Variants in ZNF462 observed in about 807,000 individuals in gnomAD.
ZNF462 encodes zinc finger PBX1-interacting protein.
ZNF462 carries 10 observed loss-of-function variants against 201.9 expected under a neutral mutation model. The observed-to-expected ratio is 0.05, with a 90% CI of 0.03 to 0.08. The LOEUF is 0.08. Among genes scored for constraint, ZNF462 ranks in the 10% least tolerant of loss-of-function variants. The probability of loss-of-function intolerance (pLI) is 1.00; values close to 1 mark genes in which losing one functional copy is unlikely to be tolerated. For synonymous variants in ZNF462, 1,227 were observed against 1,193.3 expected, an observed-to-expected ratio of 1.03 and a Z score of -0.58; for missense variants, 2,523 against 3,168.3, an observed-to-expected ratio of 0.80 and a Z score of 4.89.
At position 106,930,969 on chromosome 9, in the gene ZNF462, T is replaced by A; in HGVS notation, c.6012+280T>A. The A allele has an allele frequency of 3.1e-6, 1 of 319,006 alleles. No individual in the cohort carries two copies. The highest frequency in any genetic ancestry group is 6.0e-6 in the Non-Finnish European group (1 of 165,724). 19.8% of individuals were successfully genotyped at this position (319,006 alleles called of 1,614,324 possible). ...CGGTCTAGGAGGCTTCGGGTCGTCC[T>A]TCTATTCTGCGTTTAGTGCCATTAG... On this transcript the variant is annotated intron_variant, in intron 4 of 12. Coordinates refer to ENST00000277225, the MANE Select transcript of ZNF462 (RefSeq NM_021224.6). The surrounding 1 kb of genome is among the most constrained non-coding windows in gnomAD (Gnocchi z 5.8).
At chr9:106,871,020 C>T (rs899617409) in intron 1 of ZNF462, among the ~76,000 whole-genome samples, 2 of 152,080 alleles carry the variant, frequency 1.3e-5, no homozygotes, top group African/African-American at 2.4e-5. Flanking sequence ...GGGTGGGAGC[C>T]GATGTCCTCT....
rs1414847138 is a variant in ZNF462, at chr9:106,925,716, T to G, written c.1804T>G (p.Cys602Gly). 1 of 1,614,048 alleles carries G rather than the reference T, an allele frequency of 6.2e-7. No homozygotes were observed. Among genetic ancestry groups the G allele is most frequent in the Non-Finnish European group, 8.5e-7 (1 of 1,180,016 alleles). ...TQAAPLHPYK[C>G]TMCNYSTTTL... ...AGCCGCACCTCTGCACCCATACAAATGCACCATGTGTAATTACTCCACCAC... is the reference window on the plus strand; with the variant it reads ...AGCCGCACCTCTGCACCCATACAAAGGCACCATGTGTAATTACTCCACCAC... The change falls in exon 3 of 13, where the codon TGC (cysteine) becomes GGC (glycine). Residue 602 changes from cysteine (C) to glycine (G), a missense_variant. Coordinates refer to ENST00000277225, the MANE Select transcript of ZNF462 (RefSeq NM_021224.6). This position sits in a 1 kb window ranked among gnomAD's most constrained non-coding sequence, Gnocchi z 7.9.
rs1830724070 is a variant in ZNF462 at position 106,938,432 on chromosome 9, T to G, written c.6236-484T>G. 6.6e-6 allele frequency among the ~76,000 whole-genome samples: 1 copy of G among 152,184 alleles called. No homozygotes were observed. The highest frequency in any genetic ancestry group is 1.9e-4 in the East Asian group (1 of 5,204). On this transcript the variant is annotated intron_variant, in intron 6 of 12. Coordinates refer to ENST00000277225, the MANE Select transcript of ZNF462 (RefSeq NM_021224.6). This position sits in a 1 kb window ranked among gnomAD's most constrained non-coding sequence, Gnocchi z 4.4. ...GTTAGCAAGGAAGTACAGAATAGAATAGCACAACAGAGCTTGCACTGAATG... is the reference window on the plus strand; with the variant it reads ...GTTAGCAAGGAAGTACAGAATAGAAGAGCACAACAGAGCTTGCACTGAATG...
chr9:106,929,480 T>A lies in ZNF462; in HGVS notation c.5568T>A (p.Phe1856Leu). ...FRCIKCFKLS[F>L]STAELLCMHY... ...GCATCAAATGCTTCAAGCTGTCCTTTAGCACTGCAGAGCTGCTGTGCATGC... is the reference window on the plus strand; with the variant it reads ...GCATCAAATGCTTCAAGCTGTCCTTAAGCACTGCAGAGCTGCTGTGCATGC... The change falls in exon 3 of 13, where the codon TTT becomes TTA. Residue 1856 changes from phenylalanine to leucine, a missense_variant. Transcript: ENST00000277225. The surrounding 1 kb of genome is among the most constrained non-coding windows in gnomAD (Gnocchi z 8.7). 1.2e-6 allele frequency: 2 copies of A among 1,614,148 alleles called. No homozygotes were observed. The highest frequency in any genetic ancestry group is 1.7e-6 in the Non-Finnish European group (2 of 1,180,036).
At chr9:106,863,794 G>C (rs1000448244) in intron 1 of ZNF462, among the ~76,000 whole-genome samples, 5 of 151,640 alleles carry the variant, frequency 3.3e-5, no homozygotes, top group Admixed American at 1.3e-4. Flanking sequence ...CGGATGCTCC[G>C]AGTGTGGGGA....
chr9:106,947,210 G>A (rs1831148187), intron 7 of ZNF462, among the ~76,000 whole-genome samples: 1 of 152,222 alleles, frequency 6.6e-6, no homozygotes, highest in Non-Finnish European at 1.5e-5. Context: ...CCCAAAGGAA[G>A]TGTTTGGCTG....
At chr9:106,906,479 G>T (rs1369656661) in intron 1 of ZNF462, among the ~76,000 whole-genome samples, 1 of 152,136 alleles carries the variant, frequency 6.6e-6, no homozygotes, top group Non-Finnish European at 1.5e-5. Context: ...GAGAATTGAT[G>T]ATATAAAGAT....
intron 7 of ZNF462, among the ~76,000 whole-genome samples, chr9:106,952,804 TC>T (rs1352255085): frequency 6.6e-6 from 1 of 152,110 alleles, no homozygotes; most frequent in African/African-American, 2.4e-5. Flanking sequence ...CATACAACAA[TC>T]CCATGAGACA....
chr9:106,925,694 C>T lies in ZNF462; in HGVS notation c.1782C>T (p.Ala594=), dbSNP rs763301819. The change falls in exon 3 of 13, where the codon GCC becomes GCT. Residue 594 remains alanine, a synonymous_variant. Coordinates refer to ENST00000277225, the MANE Select transcript of ZNF462 (RefSeq NM_021224.6). This position sits in a 1 kb window ranked among gnomAD's most constrained non-coding sequence, Gnocchi z 7.9. ...AGCAGCCACAGCCACCCACACAAGC[C>T]GCACCTCTGCACCCATACAAATGCA... ...PTQQPQPPTQ[A]APLHPYKCTM... 50 of 1,614,024 alleles carry T rather than the reference C, an allele frequency of 3.1e-5. No individual in the cohort carries two copies. The highest frequency in any genetic ancestry group is 1.1e-4 in the South Asian group (10 of 91,088).
chr9:106,952,787 T>C (rs1450218960), intron 7 of ZNF462, among the ~76,000 whole-genome samples: 1 of 152,224 alleles, frequency 6.6e-6, no homozygotes, highest in Non-Finnish European at 1.5e-5. Context: ...TTTCATTTTA[T>C]TTAAGCCATA....
intron 7 of ZNF462, among the ~76,000 whole-genome samples, chr9:106,949,024 C>T (rs1332861694): frequency 6.6e-6 from 1 of 152,110 alleles, no homozygotes; most frequent in Non-Finnish European, 1.5e-5. Flanking sequence ...AGACTTAATA[C>T]ATTTACAGTA....
At position 107,013,189 on chromosome 9, in the gene ZNF462, T is replaced by C. The variant is rs1830022601; in HGVS notation, c.*2159T>C. The C allele has an allele frequency of 6.6e-6, 1 of 152,214 alleles. No individual in the cohort carries two copies. Among genetic ancestry groups the C allele is most frequent in the South Asian group, 2.1e-4 (1 of 4,828 alleles). The allele number at this position is 152,214 out of a possible 1,614,324, so 9.4% of individuals were successfully genotyped here. On this transcript the variant is annotated 3_prime_UTR_variant, in exon 13 of 13. Transcript: ENST00000277225. ...TTATTTTTCAAATAACATGTAAATA[T>C]TGTAATCCATTGGATTTTGTTTTGC...
Position 106,929,152 on chromosome 9 carries a change from C to A in ZNF462, c.5240C>A (p.Ser1747Tyr). 1 of 1,614,122 alleles carries A rather than the reference C, an allele frequency of 6.2e-7. No homozygotes were observed. The highest frequency in any genetic ancestry group is 8.5e-7 in the Non-Finnish European group (1 of 1,180,012). The change falls in exon 3 of 13, where the codon TCC (serine) becomes TAC (tyrosine). Residue 1747 changes from serine to tyrosine, a missense_variant. By Grantham distance (144) the Ser-to-Tyr change is moderately radical (BLOSUM62 -2). This residue lies in a region of ZNF462 where 207 missense variants were observed against 231.6 expected (regional missense o/e 0.89). Transcript: ENST00000277225. The surrounding 1 kb of genome is among the most constrained non-coding windows in gnomAD (Gnocchi z 8.7). ...AAGCCCAACAAAGTGATCATCCCAT[C>A]CCCGCCCAAGGACGACTCCCCTCAG... ...SDKPNKVIIP[S>Y]PPKDDSPQLS...
intron 10 of ZNF462, among the ~76,000 whole-genome samples, chr9:106,987,984 A>G (rs1588164124): frequency 6.6e-6 from 1 of 152,036 alleles, no homozygotes; most frequent in South Asian, 2.1e-4. Context: ...GTATTTGGGT[A>G]TATTTCTGGG....
rs1285293458 is a variant in ZNF462 at position 106,962,635 on chromosome 9, T to G, written c.6428-9370T>G. 6.6e-6 allele frequency among the ~76,000 whole-genome samples: 1 copy of G among 152,016 alleles called. No homozygotes were observed. Among genetic ancestry groups the G allele is most frequent in the Admixed American group, 6.6e-5 (1 of 15,218 alleles). Reference sequence around the variant, plus strand: ...TTGTATCATTTTGCAGGCTAATATTTTGTTTTGTTTTGTTTTCTCAATCTA... The same window carrying G: ...TTGTATCATTTTGCAGGCTAATATTGTGTTTTGTTTTGTTTTCTCAATCTA... On this transcript the variant is annotated intron_variant, in intron 7 of 12. Transcript: ENST00000277225. This position sits in a 1 kb window ranked among gnomAD's most constrained non-coding sequence, Gnocchi z 4.6.
At chr9:106,873,591 G>A (rs1827694115) in intron 1 of ZNF462, among the ~76,000 whole-genome samples, 1 of 152,154 alleles carries the variant, frequency 6.6e-6, no homozygotes, top group Non-Finnish European at 1.5e-5. Flanking sequence ...ACATGGTGCA[G>A]ATTCTCTTAA....
chr9:106,908,929 ATATATATATATATTT>A (rs1564090781), intron 1 of ZNF462, among the ~76,000 whole-genome samples: 4 of 27,258 alleles, frequency 1.5e-4, no homozygotes, highest in African/African-American at 9.0e-4. Context: ...ATATATATAT[ATATATATATATATTT>A]TTTTTTTTTT....
At position 107,003,557 on chromosome 9, in the gene ZNF462, T is replaced by A; in HGVS notation, c.7189+131T>A. On this transcript the variant is annotated intron_variant, in intron 11 of 12. Transcript: ENST00000277225. The surrounding 1 kb of genome is among the most constrained non-coding windows in gnomAD (Gnocchi z 4.4). ...TTCTTAGTTAAGTAGCAGAACAGAC[T>A]GACTTAGAAAACACATCAAGAGCTG... 2.5e-6 allele frequency: 3 copies of A among 1,209,698 alleles called. No individual in the cohort carries two copies. Among genetic ancestry groups the A allele is most frequent in the Non-Finnish European group, 3.3e-6 (3 of 909,806 alleles). The allele number at this position is 1,209,698 out of a possible 1,614,324, so 74.9% of individuals were successfully genotyped here. A position where few individuals can be genotyped will look rare whatever the true frequency, so the allele number is the denominator to read the frequency against.
chr9:106,909,638 G>A (rs1829458669), intron 1 of ZNF462, among the ~76,000 whole-genome samples: 1 of 151,948 alleles, frequency 6.6e-6, no homozygotes, highest in Non-Finnish European at 1.5e-5. Context: ...TGAATACTTC[G>A]GTATTGTTCT....
Sources: gnomAD v4.1 joint callset for allele counts (sites outside exome capture counted in the v4.1 genomes callset) on GRCh38, gnomAD v4.1.1 for gene constraint, gnomAD v4.1.1 regional missense constraint, Gnocchi (gnomAD v3.1) non-coding constraint, MANE v1.5 for transcripts, NCBI Gene and HGNC (gene_info 2026-07-23, HGNC 2026-07-21) for gene names.